The following TPCN1 variants were observed in gnomAD, a reference collection of about 807,000 sequenced individuals.
TPCN1 encodes the protein two pore channel protein 1.
Under a neutral mutation model 108.8 loss-of-function variants are expected in TPCN1, and 52 were observed. The ratio of observed to expected loss-of-function variants is 0.48; its 90% CI spans 0.38 to 0.60. The LOEUF is 0.60. TPCN1 is among the 20% of genes least tolerant of loss of function. The pLI is 0.00. For missense variants in TPCN1, 806 were observed against 1,072.8 expected (o/e 0.75, Z 3.47); for synonymous variants, 446 against 433.7 (o/e 1.03, Z -0.35).
intron 1 of TPCN1, among the ~76,000 whole-genome samples, chr12:113,225,834 G>A (rs1461897732): frequency 6.6e-6 from 1 of 152,042 alleles, no homozygotes; most frequent in African/African-American, 2.4e-5. Flanking sequence ...GATTACAGGT[G>A]TCAGCCACTG....
At chr12:113,264,051 A>G (rs1354507420) in intron 3 of TPCN1, among the ~76,000 whole-genome samples, 1 of 151,848 alleles carries the variant, frequency 6.6e-6, no homozygotes, top group Non-Finnish European at 1.5e-5. Flanking sequence ...TATTTGTTGG[A>G]AGAAATTGCC....
rs1956168450 is a variant in TPCN1, at chr12:113,288,633, C to A, written c.1707-125C>A. 13 of 1,533,700 alleles carry A rather than the reference C, an allele frequency of 8.5e-6. 1 individual carries two copies. In the South Asian group the frequency reaches 1.6e-4, roughly 19 times the overall value. The stretch of plus-strand genomic sequence containing the variant: ...GAGGCCCCTTCCCCGCAGGCACTTT[C>A]CAGTTGGTGAACCGACCAGGGGCAT... On this transcript the variant is annotated intron_variant, in intron 20 of 27. Transcript: ENST00000335509. This position sits in a 1 kb window ranked among gnomAD's most constrained non-coding sequence, Gnocchi z 4.8.
rs1032594928 is a variant in TPCN1 at position 113,231,759 on chromosome 12, A to G, written c.112+4795A>G. Among the ~76,000 whole-genome samples the G allele has an allele frequency of 2.6e-5, 4 of 152,194 alleles. No homozygotes were observed. Among genetic ancestry groups the G allele is most frequent in the Admixed American group, 6.5e-5 (1 of 15,284 alleles). On this transcript the variant is annotated intron_variant, in intron 2 of 27. Transcript: ENST00000335509. This position sits in a 1 kb window ranked among gnomAD's most constrained non-coding sequence, Gnocchi z 4.3. ...AGTGCGGCTGCTGCAGTGCTAATGA[A>G]TGACTCACAGGCAGCATGGTGTCAG...
chr12:113,293,137 T>G lies in TPCN1; in HGVS notation c.2253+64T>G, dbSNP rs1956322512. The G allele has an allele frequency of 4.4e-6, 7 of 1,600,244 alleles. No homozygotes were observed. The East Asian group carries it at 1.6e-4, about 36-fold the overall frequency. ...GTTTCAGTGTGGGTGGCATAATCCC[T>G]TCCCTCAGATATTGGTAACATTTTG... On this transcript the variant is annotated intron_variant, in intron 26 of 27. Transcript: ENST00000335509.
chr12:113,269,662 G>A lies in TPCN1; in HGVS notation c.660-95G>A. On this transcript the variant is annotated intron_variant, in intron 6 of 27. Transcript: ENST00000335509. This position sits in a 1 kb window ranked among gnomAD's most constrained non-coding sequence, Gnocchi z 5.0. ...AGAGTGCGTCAGGGTTTAGTATTTC[G>A]AGTCAGAAGCACTAGGCCTCCATCT... The A allele has an allele frequency of 2.9e-6, 3 of 1,051,786 alleles. No homozygotes were observed. Among genetic ancestry groups the A allele is most frequent in the Admixed American group, 2.0e-5 (1 of 49,906 alleles). The allele number at this position is 1,051,786 out of a possible 1,614,324, so 65.2% of individuals were successfully genotyped here. A position where few individuals can be genotyped will look rare whatever the true frequency, so the allele number is the denominator to read the frequency against.
intron 25 of TPCN1, chr12:113,292,332 C>G (rs1431883584): frequency 7.6e-6 from 2 of 263,512 alleles, no homozygotes; most frequent in South Asian, 5.0e-5. Context: ...TAGGTTCACA[C>G]TACGGTTCTT....
chr12:113,255,744 G>C (rs1281221020), intron 2 of TPCN1, among the ~76,000 whole-genome samples: 1 of 150,876 alleles, frequency 6.6e-6, no homozygotes, highest in Non-Finnish European at 1.5e-5. Flanking sequence ...TGCCCAGGGT[G>C]GTCTCGAACT....
intron 25 of TPCN1, 134 bp from the exon 26 acceptor site, chr12:113,292,800 G>A: frequency 9.9e-7 from 1 of 1,011,352 alleles, no homozygotes; most frequent in East Asian, 2.4e-5. Context: ...GAGGAGAGCA[G>A]GACACCAATG....
At chr12:113,260,082 C>T (rs1191494973) in intron 2 of TPCN1, among the ~76,000 whole-genome samples, 1 of 152,068 alleles carries the variant, frequency 6.6e-6, no homozygotes, top group Non-Finnish European at 1.5e-5. Context: ...AAAGATAAGT[C>T]GATGTATTTA....
rs1176904048 is a variant in TPCN1 at position 113,296,320 on chromosome 12, A to T, written c.*244A>T. Reference sequence around the variant, plus strand: ...CAGGTCTGAGCTCTTCCTACTGTGGAAGGCTCCAGAAGGCCCTTCACAAGG... The same window carrying T: ...CAGGTCTGAGCTCTTCCTACTGTGGTAGGCTCCAGAAGGCCCTTCACAAGG... On this transcript the variant is annotated 3_prime_UTR_variant, in exon 28 of 28. Transcript: ENST00000335509. 36 of 496,582 alleles carry T rather than the reference A, an allele frequency of 7.2e-5. No homozygotes were observed. The highest frequency in any genetic ancestry group is 1.1e-4 in the Non-Finnish European group (32 of 283,312). The allele number at this position is 496,582 out of a possible 1,614,324, so 30.8% of individuals were successfully genotyped here.
chr12:113,226,879 G>A lies in TPCN1; in HGVS notation c.27G>A (p.Val9=). The A allele has an allele frequency of 1.9e-6, 3 of 1,614,166 alleles. No individual in the cohort carries two copies. The highest frequency in any genetic ancestry group is 1.7e-6 in the Non-Finnish European group (2 of 1,180,036). The change falls in exon 2 of 28, where the codon GTG becomes GTA. Residue 9 remains valine (V), a synonymous_variant. Transcript: ENST00000335509. MAVSLDDD[V]PLILTLDEGG... ...TGGCTGTGAGTTTGGATGACGACGTGCCGCTCATCCTGACCTTGGATGAGG... is the reference window on the plus strand; with the variant it reads ...TGGCTGTGAGTTTGGATGACGACGTACCGCTCATCCTGACCTTGGATGAGG...
Position 113,268,945 on chromosome 12 carries a change from C to G in TPCN1, c.659+73C>G, listed in dbSNP as rs1955388534. 7 of 1,572,670 alleles carry G rather than the reference C, an allele frequency of 4.5e-6. No homozygotes were observed. In the Admixed American group the frequency reaches 6.7e-5, roughly 15 times the overall value. ...GACCTCTGGGCCAGTGGGGCAGGAG[C>G]TTGTGAGTCAGTTAGTGATGAGGTC... On this transcript the variant is annotated intron_variant, in intron 6 of 27. Coordinates refer to ENST00000335509, the MANE Select transcript of TPCN1 (RefSeq NM_017901.6). This position sits in a 1 kb window ranked among gnomAD's most constrained non-coding sequence, Gnocchi z 7.3.
rs112577227 is a variant in TPCN1 at position 113,273,430 on chromosome 12, C to T, written c.843-139C>T. 4.7e-5 allele frequency: 59 copies of T among 1,255,430 alleles called. No individual in the cohort carries two copies. Among genetic ancestry groups the T allele is most frequent in the Admixed American group, 2.6e-4 (15 of 58,762 alleles). 77.8% of individuals were successfully genotyped at this position (1,255,430 alleles called of 1,614,324 possible). On this transcript the variant is annotated intron_variant, in intron 9 of 27. Coordinates refer to ENST00000335509, the MANE Select transcript of TPCN1 (RefSeq NM_017901.6). This position sits in a 1 kb window ranked among gnomAD's most constrained non-coding sequence, Gnocchi z 4.0. ...GGAGACAGGGTTGGCCCACTGAGCACGGAGCCCAGGGATGAGAGTAGGGGA... is the reference window on the plus strand; with the variant it reads ...GGAGACAGGGTTGGCCCACTGAGCATGGAGCCCAGGGATGAGAGTAGGGGA...
Position 113,296,508 on chromosome 12 carries a change from T to C in TPCN1, c.*432T>C. On this transcript the variant is annotated 3_prime_UTR_variant, in exon 28 of 28. Transcript: ENST00000335509. The stretch of plus-strand genomic sequence containing the variant: ...CCCTGCGGCCCATGCCACAGGTTTC[T>C]GTGTTTTGCTTTAGGGACAGAACCA... 6.0e-6 allele frequency: 1 copy of C among 167,728 alleles called. No homozygotes were observed. Among genetic ancestry groups the C allele is most frequent in the Non-Finnish European group, 1.3e-5 (1 of 77,800 alleles). 10.4% of individuals were successfully genotyped at this position (167,728 alleles called of 1,614,324 possible).
At chr12:113,290,302 G>C (rs1956224748) in intron 22 of TPCN1, 59 bp downstream of exon 22, 1 of 1,191,210 alleles carries the variant, frequency 8.4e-7, no homozygotes, top group Non-Finnish European at 1.2e-6. Flanking sequence ...TGTCACCCTT[G>C]TCACCACGGG....
chr12:113,266,336 G>T lies in TPCN1; in HGVS notation c.394G>T (p.Ala132Ser). 6.2e-7 allele frequency: 1 copy of T among 1,608,704 alleles called. No individual in the cohort carries two copies. The change falls in exon 4 of 28, where the codon GCA becomes TCA. Residue 132 changes from alanine (A) to serine (S), a missense_variant. By Grantham distance (99) the Ala-to-Ser change is moderately conservative. Coordinates refer to ENST00000335509, the MANE Select transcript of TPCN1 (RefSeq NM_017901.6). This position sits in a 1 kb window ranked among gnomAD's most constrained non-coding sequence, Gnocchi z 4.2. Reference protein sequence around the residue: ...LSLCEAPAVPALRLGIYVHAT... With the variant: ...LSLCEAPAVPSLRLGIYVHAT... Reference sequence around the variant, plus strand: ...CCTGTGCGAGGCCCCCGCCGTCCCCGCACTCCGGCTTGGCATCTATGTGAG... The same window carrying T: ...CCTGTGCGAGGCCCCCGCCGTCCCCTCACTCCGGCTTGGCATCTATGTGAG...
intron 15 of TPCN1, among the ~76,000 whole-genome samples, chr12:113,280,917 C>A (rs1035034455): frequency 2.6e-5 from 4 of 152,080 alleles, no homozygotes; most frequent in Non-Finnish European, 5.9e-5. Flanking sequence ...ATGGACAGAA[C>A]TAGGGTTTTG....
At chr12:113,233,272 C>T (rs1017646134) in intron 2 of TPCN1, among the ~76,000 whole-genome samples, 1 of 152,198 alleles carries the variant, frequency 6.6e-6, no homozygotes, top group Non-Finnish European at 1.5e-5. Context: ...GGCTGAAGCA[C>T]CTGCCACTCT....
At chr12:113,225,026 C>T (rs1455402179) in intron 1 of TPCN1, among the ~76,000 whole-genome samples, 1 of 152,164 alleles carries the variant, frequency 6.6e-6, no homozygotes, top group Non-Finnish European at 1.5e-5. Context: ...GCTGGGATTA[C>T]AGTTGTAAGC....
Sources: allele counts gnomAD v4.1 joint callset (sites outside exome capture counted in the v4.1 genomes callset), GRCh38; gene constraint gnomAD v4.1.1; non-coding constraint Gnocchi (gnomAD v3.1); transcripts MANE v1.5; gene names NCBI Gene and HGNC (gene_info 2026-07-23, HGNC 2026-07-21).